Variants in MAPKAP1 observed in about 807,000 individuals in gnomAD.
MAPKAP1 encodes target of rapamycin complex 2 subunit MAPKAP1.
A neutral mutation model predicts 65.7 loss-of-function variants in MAPKAP1; 20 were observed. The ratio of observed to expected loss-of-function variants is 0.30; its 90% CI spans 0.21 to 0.44. The LOEUF is 0.44. Ranked by LOEUF, MAPKAP1 falls within the 20% of genes least tolerant of loss-of-function variation. MAPKAP1 has a pLI of 1.00. For synonymous variants in MAPKAP1, 222 were observed against 244.3 expected, an observed-to-expected ratio of 0.91 and a Z score of 0.85; for missense variants, 423 against 648.0, an observed-to-expected ratio of 0.65 and a Z score of 3.77.
At chr9:125,670,425 C>T (rs1251967631) in intron 2 of MAPKAP1, among the ~76,000 whole-genome samples, 1 of 152,110 alleles carries the variant, frequency 6.6e-6, no homozygotes, top group East Asian at 1.9e-4. Flanking sequence ...ATTAGCATAG[C>T]TTTTCTTCAG....
At chr9:125,597,221 T>C (rs983390914) in intron 4 of MAPKAP1, among the ~76,000 whole-genome samples, 22 of 127,600 alleles carry the variant, frequency 1.7e-4, no homozygotes, top group Non-Finnish European at 2.6e-4. Context: ...GCCGAGATCG[T>C]GCCACTGCAC....
At chr9:125,492,004 A>C (rs1441676278) in intron 8 of MAPKAP1, among the ~76,000 whole-genome samples, 1 of 151,058 alleles carries the variant, frequency 6.6e-6, no homozygotes, top group African/African-American at 2.4e-5. Flanking sequence ...CAGCCTGAGC[A>C]ACATAGTGAG....
chr9:125,574,174 C>T (rs1482812419), intron 5 of MAPKAP1, among the ~76,000 whole-genome samples: 7 of 152,206 alleles, frequency 4.6e-5, no homozygotes, highest in Non-Finnish European at 1.0e-4. Flanking sequence ...GTGCAGTGAT[C>T]ACATTTCTCT....
At chr9:125,569,148 G>A (rs1450131118) in intron 5 of MAPKAP1, among the ~76,000 whole-genome samples, 1 of 152,188 alleles carries the variant, frequency 6.6e-6, no homozygotes, top group African/African-American at 2.4e-5. Context: ...AAAAAAACTG[G>A]ATGATGTCTC....
chr9:125,660,796 C>T (rs193194371), intron 3 of MAPKAP1, among the ~76,000 whole-genome samples: 11 of 152,300 alleles, frequency 7.2e-5, no homozygotes, highest in Admixed American at 5.9e-4. Flanking sequence ...CCTTAAAACC[C>T]GCTTTACTGT....
At chr9:125,670,007 G>A in intron 2 of MAPKAP1, 100 bp from the exon 3 acceptor site, 1 of 632,420 alleles carries the variant, frequency 1.6e-6, no homozygotes, top group Non-Finnish European at 2.7e-6. Context: ...GTTTTATATT[G>A]CATATGTAGA....
At chr9:125,488,412 C>A (rs1480650664) in intron 8 of MAPKAP1, among the ~76,000 whole-genome samples, 2 of 152,180 alleles carry the variant, frequency 1.3e-5, no homozygotes, top group East Asian at 3.8e-4. Flanking sequence ...GTTGCCCAGG[C>A]TGGAGTGCAA....
At chr9:125,479,635 T>C (rs1220279853) in intron 9 of MAPKAP1, among the ~76,000 whole-genome samples, 1 of 149,028 alleles carries the variant, frequency 6.7e-6, no homozygotes, top group Non-Finnish European at 1.5e-5. Context: ...GTCTTGCAGG[T>C]CAAAATTTGA....
At chr9:125,590,523 A>C (rs1831925636) in intron 4 of MAPKAP1, among the ~76,000 whole-genome samples, 1 of 151,828 alleles carries the variant, frequency 6.6e-6, no homozygotes, top group African/African-American at 2.4e-5. Context: ...GGTGGTGGGA[A>C]CCTTTAATGC....
intron 4 of MAPKAP1, among the ~76,000 whole-genome samples, chr9:125,656,969 C>CA (rs1834050330): frequency 6.6e-6 from 1 of 152,004 alleles, no homozygotes; most frequent in African/African-American, 2.4e-5. Context: ...CACAAACAGG[C>CA]AAAAAACAAA....
chr9:125,491,782 A>C (rs867101274), intron 8 of MAPKAP1, among the ~76,000 whole-genome samples: 33 of 151,842 alleles, frequency 2.2e-4, no homozygotes, highest in Middle Eastern at 3.4e-3. Flanking sequence ...TCTCAAAAAA[A>C]ACCAAAAAAA....
chr9:125,505,159 C>CGGT (rs1829101293), intron 8 of MAPKAP1, among the ~76,000 whole-genome samples: 1 of 151,938 alleles, frequency 6.6e-6, no homozygotes, highest in South Asian at 2.1e-4. Flanking sequence ...CCGCCGGGCG[C>CGGT]GGTGGCTCAC....
chr9:125,627,462 T>C (rs1457612924), intron 4 of MAPKAP1, among the ~76,000 whole-genome samples: 2 of 152,170 alleles, frequency 1.3e-5, no homozygotes, highest in African/African-American at 2.4e-5. Context: ...CTCTCTAATC[T>C]TTCCAGTTTT....
At chr9:125,636,581 T>C (rs1833431221) in intron 4 of MAPKAP1, among the ~76,000 whole-genome samples, 1 of 152,152 alleles carries the variant, frequency 6.6e-6, no homozygotes, top group African/African-American at 2.4e-5. Flanking sequence ...CTAAACCAAA[T>C]AATGAACACA....
intron 10 of MAPKAP1, among the ~76,000 whole-genome samples, chr9:125,456,580 T>C (rs1041597429): frequency 6.6e-6 from 1 of 152,228 alleles, no homozygotes; most frequent in Admixed American, 6.5e-5. Context: ...GGGATGTCAC[T>C]TCTGTGAATA....
At chr9:125,586,834 C>A (rs1252677566) in intron 4 of MAPKAP1, among the ~76,000 whole-genome samples, 1 of 152,180 alleles carries the variant, frequency 6.6e-6, no homozygotes, top group Admixed American at 6.5e-5. Context: ...TTGTCCCTCA[C>A]TCCCTCCTAT....
chr9:125,462,859 T>C lies in MAPKAP1; in HGVS notation c.1345+5113A>G, dbSNP rs1224812627. Among the ~76,000 whole-genome samples the C allele has an allele frequency of 3.9e-5, 6 of 152,228 alleles. No individual in the cohort carries two copies. The South Asian group carries it at 1.2e-3, about 32-fold the overall frequency. ...ATTTGGCTATCACTTCTAGCCAGTATGAATTCTGCTGGAAAAGCTATTTTT... is the reference window on the plus strand; with the variant it reads ...ATTTGGCTATCACTTCTAGCCAGTACGAATTCTGCTGGAAAAGCTATTTTT... On this transcript the variant is annotated intron_variant, in intron 10 of 11. Transcript: ENST00000265960.
chr9:125,622,939 T>C (rs1228400437), intron 4 of MAPKAP1, among the ~76,000 whole-genome samples: 1 of 152,138 alleles, frequency 6.6e-6, no homozygotes, highest in Non-Finnish European at 1.5e-5. Flanking sequence ...GCCGAATGCC[T>C]GCGATTGCAG....
intron 5 of MAPKAP1, among the ~76,000 whole-genome samples, chr9:125,582,216 T>C (rs902003835): frequency 3.9e-5 from 6 of 152,224 alleles, no homozygotes; most frequent in South Asian, 2.1e-4. Flanking sequence ...CTTTTCTAAA[T>C]TCAAATTTGC....
Sources: allele counts gnomAD v4.1 joint callset (sites outside exome capture counted in the v4.1 genomes callset), GRCh38; gene constraint gnomAD v4.1.1; transcripts MANE v1.5; gene names NCBI Gene and HGNC (gene_info 2026-07-23, HGNC 2026-07-21).